Variants in EEA1 observed in about 807,000 individuals in gnomAD.
EEA1 encodes early endosome antigen 1, 162kD.
Under a neutral mutation model 209.2 loss-of-function variants are expected in EEA1, and 111 were observed. That is an observed-to-expected ratio of 0.53 (90% CI 0.45 to 0.62). EEA1 has a LOEUF of 0.62. Ranked by LOEUF, EEA1 falls within the 20% of genes least tolerant of loss-of-function variation. The pLI is 0.00. For synonymous variants in EEA1, 536 were observed against 540.6 expected (o/e 0.99, Z 0.12); for missense variants, 1,343 against 1,530.8 (o/e 0.88, Z 2.05).
chr12:92,896,189 G>A (rs982387795), intron 1 of EEA1, among the ~76,000 whole-genome samples: 6 of 152,056 alleles, frequency 3.9e-5, no homozygotes, highest in African/African-American at 7.2e-5. Context: ...GGCCAGGATG[G>A]TCTCGATCTC....
intron 18 of EEA1, among the ~76,000 whole-genome samples, chr12:92,805,509 A>C (rs1875159285): frequency 6.6e-6 from 1 of 152,196 alleles, no homozygotes; most frequent in African/African-American, 2.4e-5. Flanking sequence ...CCCTTGACAC[A>C]AGTCAAGTCC....
At position 92,776,923 on chromosome 12, in the gene EEA1, A is replaced by C. The variant is rs780807493; in HGVS notation, c.4034T>G (p.Leu1345Trp). The change falls in exon 28 of 29, where the codon TTG becomes TGG. Residue 1345 changes from leucine to tryptophan, a missense_variant. Around this residue, in one of 3 missense-constraint regions of EEA1, gnomAD observed 1,307 missense variants for 1,465.5 expected, o/e 0.89. Coordinates refer to ENST00000322349, the MANE Select transcript of EEA1 (RefSeq NM_003566.4). ...QSLQIKHTQA[L>W]NRKWAEDNEV... ...ATTGTCTTCGGCCCACTTTCTATTC[A>C]ACGCTTGTGTATGTTTGATCTGTTT... 6.2e-7 allele frequency: 1 copy of C among 1,611,728 alleles called. No homozygotes were observed. Among genetic ancestry groups the C allele is most frequent in the Admixed American group, 1.7e-5 (1 of 59,906 alleles).
chr12:92,883,424 C>T (rs1879244766), intron 2 of EEA1, among the ~76,000 whole-genome samples: 1 of 152,096 alleles, frequency 6.6e-6, no homozygotes, highest in South Asian at 2.1e-4. Context: ...ATTAGTCCGG[C>T]TTGTCAATTT....
rs139014228 is a variant in EEA1, at chr12:92,842,420, T to A, written c.915+45A>T. The A allele has an allele frequency of 8.2e-3, 7,574 of 924,850 alleles. 62 individuals are homozygous for A. The highest frequency in any genetic ancestry group is 0.019 in the Middle Eastern group (58 of 3,096). 57.3% of individuals were successfully genotyped at this position (924,850 alleles called of 1,614,324 possible). A position where few individuals can be genotyped will look rare whatever the true frequency, so the allele number is the denominator to read the frequency against. On this transcript the variant is annotated intron_variant, in intron 10 of 28. Transcript: ENST00000322349. ...AAGTATGTAAGATTAATATTTAAAA[T>A]ACATAAAATCAATTTGCTATTATAT...
At chr12:92,826,340 A>G (rs563231978) in intron 12 of EEA1, 55 bp from the exon 13 acceptor site, 16 of 1,502,988 alleles carry the variant, frequency 1.1e-5, no homozygotes, top group African/African-American at 2.8e-5. Flanking sequence ...GCTATCATTC[A>G]TAAGTATCTG....
At chr12:92,822,046 A>G (rs76069597) in intron 13 of EEA1, among the ~76,000 whole-genome samples, 2,268 of 151,402 alleles carry the variant, frequency 0.015, 53 homozygotes, top group African/African-American at 0.051. Flanking sequence ...ATATGGAGCT[A>G]TGTATATATA....
chr12:92,805,055 C>G (rs570775306), intron 18 of EEA1, among the ~76,000 whole-genome samples: 1 of 152,172 alleles, frequency 6.6e-6, no homozygotes, highest in African/African-American at 2.4e-5. Context: ...AAAATGGGTC[C>G]ACTTCCATTG....
chr12:92,858,289 A>T, intron 3 of EEA1: 1 of 741,570 alleles, frequency 1.3e-6, no homozygotes, highest in East Asian at 2.5e-5. Flanking sequence ...CTTGCACGTG[A>T]AATTACATCC....
chr12:92,897,041 G>A (rs1879914902), intron 1 of EEA1, among the ~76,000 whole-genome samples: 1 of 152,164 alleles, frequency 6.6e-6, no homozygotes, highest in Admixed American at 6.6e-5. Context: ...GCAAGGCGTG[G>A]TGGCGTTCAC....
At chr12:92,926,440 A>C (rs1881220327) in intron 1 of EEA1, among the ~76,000 whole-genome samples, 1 of 152,200 alleles carries the variant, frequency 6.6e-6, no homozygotes, top group South Asian at 2.1e-4. Flanking sequence ...ACACAATTTA[A>C]AGATTCAAGT....
At chr12:92,806,896 A>G (rs1875234545) in intron 18 of EEA1, among the ~76,000 whole-genome samples, 1 of 152,184 alleles carries the variant, frequency 6.6e-6, no homozygotes, top group Non-Finnish European at 1.5e-5. Context: ...ACAGGAAAAA[A>G]GGTGATAAAA....
chr12:92,795,247 T>A (rs1874607656), intron 21 of EEA1, among the ~76,000 whole-genome samples: 1 of 152,220 alleles, frequency 6.6e-6, no homozygotes, highest in Non-Finnish European at 1.5e-5. Flanking sequence ...TTAACCATAT[T>A]GGTCATCTGT....
chr12:92,778,235 T>C (rs1826843240), intron 25 of EEA1, 56 bp from the exon 26 acceptor site: 2 of 1,380,622 alleles, frequency 1.4e-6, no homozygotes, highest in African/African-American at 1.4e-5. Flanking sequence ...GCAAAATAAA[T>C]GTAAGTGATT....
At chr12:92,909,925 C>T (rs1052251843) in intron 1 of EEA1, among the ~76,000 whole-genome samples, 6 of 151,160 alleles carry the variant, frequency 4.0e-5, no homozygotes, top group South Asian at 2.1e-4. Flanking sequence ...GGTAGATCAC[C>T]GGAGGTCAGG....
intron 2 of EEA1, among the ~76,000 whole-genome samples, chr12:92,885,095 T>A (rs1428280644): frequency 6.6e-6 from 1 of 151,892 alleles, no homozygotes; most frequent in East Asian, 1.9e-4. Context: ...GCAAAATATG[T>A]GTGAATCAAC....
At chr12:92,923,987 T>C (rs980839112) in intron 1 of EEA1, among the ~76,000 whole-genome samples, 4 of 152,012 alleles carry the variant, frequency 2.6e-5, no homozygotes, top group Non-Finnish European at 4.4e-5. Flanking sequence ...AGTTCACACC[T>C]ATAATCCCAG....
intron 2 of EEA1, among the ~76,000 whole-genome samples, chr12:92,868,477 G>T (rs1215667076): frequency 6.6e-6 from 1 of 152,180 alleles, no homozygotes; most frequent in African/African-American, 2.4e-5. Flanking sequence ...CACAACTGTG[G>T]CTTTTTGACT....
At chr12:92,897,055 T>C (rs1879915685) in intron 1 of EEA1, among the ~76,000 whole-genome samples, 1 of 152,174 alleles carries the variant, frequency 6.6e-6, no homozygotes, top group Non-Finnish European at 1.5e-5. Flanking sequence ...CGTTCACCTG[T>C]AGTCCCAGCT....
intron 2 of EEA1, among the ~76,000 whole-genome samples, chr12:92,866,274 C>T (rs985358826): frequency 6.7e-6 from 1 of 148,450 alleles, no homozygotes; most frequent in Non-Finnish European, 1.5e-5. Context: ...TTAGCAAAAT[C>T]ATGATAAAGT....
Sources: allele counts gnomAD v4.1 joint callset (sites outside exome capture counted in the v4.1 genomes callset), GRCh38; gene constraint gnomAD v4.1.1; regional missense constraint gnomAD v4.1.1; transcripts MANE v1.5; gene names NCBI Gene and HGNC (gene_info 2026-07-23, HGNC 2026-07-21).